Variants in ATP2B2 observed in about 807,000 individuals in gnomAD.
ATP2B2 encodes ATPase plasma membrane Ca2+ transporting 2.
Under a neutral mutation model 120.0 loss-of-function variants are expected in ATP2B2, and 15 were observed. That is an observed-to-expected ratio of 0.12 (90% confidence interval 0.08 to 0.19). The LOEUF (loss-of-function observed/expected upper bound fraction) is 0.19. Ranked by LOEUF, ATP2B2 falls within the 10% of genes least tolerant of loss-of-function variation. ATP2B2 has a pLI of 1.00. For synonymous variants in ATP2B2, 694 were observed against 700.3 expected (o/e 0.99, Z 0.14); for missense variants, 1,045 against 1,719.8 (o/e 0.61, Z 6.94).
chr3:10,588,438 C>T (rs189037781), intron 2 of ATP2B2, among the ~76,000 whole-genome samples: 3 of 152,304 alleles, frequency 2.0e-5, no homozygotes, highest in Admixed American at 2.0e-4. Context: ...CTTCCACATC[C>T]CTAGATGCCT....
chr3:10,561,209 C>T (rs561724473), intron 2 of ATP2B2, among the ~76,000 whole-genome samples: 4 of 152,242 alleles, frequency 2.6e-5, no homozygotes, highest in East Asian at 3.9e-4. Flanking sequence ...TTACTGTATA[C>T]GATTACACCC....
chr3:10,506,872 G>C (rs907733386), upstream of ATP2B2, among the ~76,000 whole-genome samples: 1 of 152,244 alleles, frequency 6.6e-6, no homozygotes, highest in African/African-American at 2.4e-5. Context: ...TCCATCCCTG[G>C]GCTGGCACAG....
At chr3:10,574,160 T>G (rs900634274) in intron 2 of ATP2B2, among the ~76,000 whole-genome samples, 1 of 152,236 alleles carries the variant, frequency 6.6e-6, no homozygotes, top group Non-Finnish European at 1.5e-5. Flanking sequence ...CTGCTTTGCC[T>G]CTATTTTCTC....
At chr3:10,646,375 C>G (rs2070321395) in intron 1 of ATP2B2, among the ~76,000 whole-genome samples, 1 of 152,152 alleles carries the variant, frequency 6.6e-6, no homozygotes, top group African/African-American at 2.4e-5. Flanking sequence ...CCGTCTCATC[C>G]TGGAGACCCA....
At chr3:10,380,502 T>TG (rs146252817) in intron 8 of ATP2B2, among the ~76,000 whole-genome samples, 1,735 of 152,342 alleles carry the variant, frequency 0.011, 38 homozygotes, top group African/African-American at 0.039. Context: ...GCCTCACCTA[T>TG]GAAGGGTGTG....
chr3:10,635,149 T>G lies in ATP2B2; in HGVS notation c.-459-15188A>C, dbSNP rs2069986005. 6.6e-6 allele frequency among the ~76,000 whole-genome samples: 1 copy of G among 151,984 alleles called. No homozygotes were observed. The highest frequency in any genetic ancestry group is 2.4e-5 in the African/African-American group (1 of 41,378). On this transcript the variant is annotated intron_variant, in intron 1 of 21. Transcript: ENST00000646379. The surrounding 1 kb of genome is among the most constrained non-coding windows in gnomAD (Gnocchi z 4.3). ...GGAGGTACTGTGAGGATATGGAAAGTGTCACTACTCAGCTCAAGGTTGCCT... is the reference window on the plus strand; with the variant it reads ...GGAGGTACTGTGAGGATATGGAAAGGGTCACTACTCAGCTCAAGGTTGCCT...
chr3:10,647,503 C>T (rs980909895), intron 1 of ATP2B2, among the ~76,000 whole-genome samples: 1 of 152,202 alleles, frequency 6.6e-6, no homozygotes, highest in Non-Finnish European at 1.5e-5. Flanking sequence ...GACTGGTCCC[C>T]ATCCCATGTG....
chr3:10,365,805 T>C (rs2061032256), intron 12 of ATP2B2, among the ~76,000 whole-genome samples: 1 of 72 alleles, frequency 0.014, no homozygotes, highest in Non-Finnish European at 0.029. Context: ...ATAGTGTATG[T>C]GTTGTATGTG....
At chr3:10,434,802 T>C (rs2063426054) in intron 2 of ATP2B2, among the ~76,000 whole-genome samples, 1 of 152,376 alleles carries the variant, frequency 6.6e-6, no homozygotes, top group African/African-American at 2.4e-5. Context: ...CCCTTGAGGA[T>C]GTCACTGGCC....
intron 1 of ATP2B2, among the ~76,000 whole-genome samples, chr3:10,706,684 C>T (rs1047715192): frequency 5.3e-5 from 8 of 152,122 alleles, no homozygotes; most frequent in Non-Finnish European, 4.4e-5. Flanking sequence ...GGATACAGAC[C>T]ATACACTAAG....
intron 2 of ATP2B2, among the ~76,000 whole-genome samples, chr3:10,434,147 G>A (rs1237902889): frequency 2.6e-5 from 4 of 152,230 alleles, no homozygotes; most frequent in African/African-American, 9.6e-5. Context: ...ATAGTAAGAA[G>A]CAGAACATCT....
intron 1 of ATP2B2, among the ~76,000 whole-genome samples, chr3:10,697,793 A>T (rs2071761874): frequency 6.6e-6 from 1 of 152,190 alleles, no homozygotes; most frequent in Non-Finnish European, 1.5e-5. Context: ...GCAAATCCTA[A>T]ATCTCAGGGT....
At chr3:10,387,615 C>T (rs1169265540) in intron 6 of ATP2B2, among the ~76,000 whole-genome samples, 2 of 152,204 alleles carry the variant, frequency 1.3e-5, no homozygotes, top group African/African-American at 4.8e-5. Flanking sequence ...GAGACTTGAG[C>T]TTTTTGTTTG....
intron 3 of ATP2B2, among the ~76,000 whole-genome samples, chr3:10,512,610 A>T (rs2066795123): frequency 6.6e-6 from 1 of 152,164 alleles, no homozygotes; most frequent in Non-Finnish European, 1.5e-5. Context: ...TAACAAACCC[A>T]GTATGACACA....
At chr3:10,590,102 G>C (rs1337326287) in intron 2 of ATP2B2, among the ~76,000 whole-genome samples, 1 of 152,194 alleles carries the variant, frequency 6.6e-6, no homozygotes, top group Admixed American at 6.5e-5. Context: ...GCAAGAAAAA[G>C]CAAGGGACTA....
chr3:10,700,809 G>A (rs1025120100), intron 1 of ATP2B2, among the ~76,000 whole-genome samples: 3 of 152,232 alleles, frequency 2.0e-5, no homozygotes, highest in Non-Finnish European at 4.4e-5. Context: ...GCTCTGCCCT[G>A]TGTCATTCTC....
intron 1 of ATP2B2, among the ~76,000 whole-genome samples, chr3:10,467,444 G>A (rs2125262987): frequency 6.6e-6 from 1 of 152,232 alleles, no homozygotes; most frequent in Middle Eastern, 3.4e-3. Flanking sequence ...TCCCTCCATG[G>A]GGCTTGACCG....
In ATP2B2 at chr3:10,347,440, C is replaced by T. The variant is rs555216825; in HGVS notation, c.2405-1303G>A. Among the ~76,000 whole-genome samples, 88 of 152,360 alleles carry T rather than the reference C, an allele frequency of 5.8e-4. No homozygotes were observed. Among genetic ancestry groups the T allele is most frequent in the Admixed American group, 1.1e-3 (17 of 15,308 alleles). On this transcript the variant is annotated intron_variant, in intron 16 of 22. Coordinates refer to ENST00000360273, the MANE Select transcript of ATP2B2 (RefSeq NM_001001331.4). The surrounding 1 kb of genome is among the most constrained non-coding windows in gnomAD (Gnocchi z 5.2). ...ATCTCTCTGCTCTGTGCCTAGCAGA[C>T]GGCAGCAGCCTGTGGAATGAGGCGC...
At chr3:10,605,545 T>C (rs1417904212) in intron 2 of ATP2B2, among the ~76,000 whole-genome samples, 1 of 152,102 alleles carries the variant, frequency 6.6e-6, no homozygotes, top group African/African-American at 2.4e-5. Flanking sequence ...CCTTAGCTTG[T>C]CAGGAAATAA....
Sources: gnomAD v4.1 joint callset for allele counts (sites outside exome capture counted in the v4.1 genomes callset) on GRCh38, gnomAD v4.1.1 for gene constraint, Gnocchi (gnomAD v3.1) non-coding constraint, MANE v1.5 for transcripts, NCBI Gene and HGNC (gene_info 2026-07-23, HGNC 2026-07-21) for gene names.